Variants in GRIA1 observed in about 807,000 individuals in gnomAD.
GRIA1 encodes glutamate receptor 1.
A neutral mutation model predicts 99.2 loss-of-function variants in GRIA1; 31 were observed. That is an observed-to-expected ratio of 0.31 (90% CI 0.23 to 0.42). The LOEUF is 0.42. Among genes scored for constraint, GRIA1 ranks in the 10% least tolerant of loss-of-function variants. The pLI, the probability that GRIA1 is intolerant of heterozygous loss-of-function variation, is 1.00. For missense variants in GRIA1, 782 were observed against 1,157.5 expected, an observed-to-expected ratio of 0.68 and a Z score of 4.71; for synonymous variants, 438 against 432.4, an observed-to-expected ratio of 1.01 and a Z score of -0.16.
intron 2 of GRIA1, among the ~76,000 whole-genome samples, chr5:153,597,365 C>T (rs577966092): frequency 6.6e-6 from 1 of 152,224 alleles, no homozygotes; most frequent in African/African-American, 2.4e-5. Context: ...TGTTATTCTT[C>T]TTTCTAGGTT....
intron 2 of GRIA1, among the ~76,000 whole-genome samples, chr5:153,589,014 T>C (rs1010278558): frequency 6.6e-6 from 1 of 152,128 alleles, no homozygotes; most frequent in African/African-American, 2.4e-5. Context: ...AGAAAGTCAA[T>C]TTTTATATTA....
At chr5:153,744,042 C>A (rs1323595379) in intron 11 of GRIA1, among the ~76,000 whole-genome samples, 1 of 152,076 alleles carries the variant, frequency 6.6e-6, no homozygotes, top group Non-Finnish European at 1.5e-5. Context: ...TTCCCATTTC[C>A]TGAGGGTGAG....
chr5:153,673,698 A>G (rs960041800), intron 5 of GRIA1, among the ~76,000 whole-genome samples: 1 of 152,248 alleles, frequency 6.6e-6, no homozygotes, highest in Admixed American at 6.5e-5. Context: ...TACCTTAAAA[A>G]AGGATAAACT....
chr5:153,489,760 C>T, upstream of GRIA1: 1 of 456,416 alleles, frequency 2.2e-6, no homozygotes, highest in South Asian at 1.5e-5. Flanking sequence ...CAGACATGAC[C>T]AGCATCCAGA....
In GRIA1 at chr5:153,491,832, C is replaced by G. The variant is rs376616262; in HGVS notation, c.82+862C>G. ...ATGCTTTTTTTGTTCCCCATTTCCC[C>G]TTCTTAGTTGTTACACTTCTCAAAG... On this transcript the variant is annotated intron_variant, in intron 1 of 15. Transcript: ENST00000285900. Among the ~76,000 whole-genome samples the G allele has an allele frequency of 2.6e-5, 4 of 152,286 alleles. No individual in the cohort carries two copies. The East Asian group carries it at 5.8e-4, about 22-fold the overall frequency.
At chr5:153,508,634 G>C (rs1755765182) in intron 2 of GRIA1, among the ~76,000 whole-genome samples, 1 of 152,204 alleles carries the variant, frequency 6.6e-6, no homozygotes, top group Admixed American at 6.5e-5. Flanking sequence ...GCTTGGGAGT[G>C]TAGTGATCTG....
chr5:153,780,986 G>A (rs982012642), intron 13 of GRIA1, among the ~76,000 whole-genome samples: 2 of 152,110 alleles, frequency 1.3e-5, no homozygotes, highest in African/African-American at 2.4e-5. Context: ...GCCCAGTCTC[G>A]GAGGGCAGGC....
chr5:153,692,463 A>T (rs1039101937), intron 8 of GRIA1, among the ~76,000 whole-genome samples: 6 of 152,196 alleles, frequency 3.9e-5, no homozygotes, highest in Non-Finnish European at 7.3e-5. Context: ...TGTGAAAATT[A>T]TGAGAGATTA....
chr5:153,782,779 G>C (rs546218692), intron 13 of GRIA1, among the ~76,000 whole-genome samples: 2 of 152,138 alleles, frequency 1.3e-5, no homozygotes, highest in Admixed American at 6.5e-5. Flanking sequence ...GGCGGAAGAC[G>C]GGGAGGAAGG....
chr5:153,641,955 C>A (rs1294455908), intron 2 of GRIA1, among the ~76,000 whole-genome samples: 2 of 152,178 alleles, frequency 1.3e-5, no homozygotes, highest in East Asian at 3.8e-4. Flanking sequence ...CATTGCCTAA[C>A]ATAGTGTCTT....
At chr5:153,613,685 C>A in intron 2 of GRIA1, among the ~76,000 whole-genome samples, 1 of 151,042 alleles carries the variant, frequency 6.6e-6, no homozygotes, top group East Asian at 1.9e-4. Context: ...TTGCACCAAC[C>A]TAACACTTTT....
intron 13 of GRIA1, among the ~76,000 whole-genome samples, chr5:153,793,749 G>C (rs1765462074): frequency 2.0e-5 from 3 of 152,190 alleles, no homozygotes; most frequent in Non-Finnish European, 4.4e-5. Flanking sequence ...TGTTGTCATT[G>C]ATGTGGCCAG....
intron 2 of GRIA1, among the ~76,000 whole-genome samples, chr5:153,537,840 TTTTG>T (rs1758726962): frequency 6.6e-6 from 1 of 152,206 alleles, no homozygotes; most frequent in Non-Finnish European, 1.5e-5. Context: ...AGATGTGGTT[TTTTG>T]TTTGTTTTTA....
intron 5 of GRIA1, among the ~76,000 whole-genome samples, chr5:153,659,270 T>C (rs1449766005): frequency 1.3e-5 from 2 of 152,254 alleles, no homozygotes; most frequent in African/African-American, 2.4e-5. Context: ...TACATATGCA[T>C]ATATATGCTT....
At chr5:153,655,078 A>G (rs1164906131) in intron 4 of GRIA1, among the ~76,000 whole-genome samples, 3 of 152,222 alleles carry the variant, frequency 2.0e-5, no homozygotes, top group Admixed American at 6.6e-5. Flanking sequence ...CACAGGAGTC[A>G]GGTCCCTGTC....
intron 11 of GRIA1, among the ~76,000 whole-genome samples, chr5:153,718,997 G>T (rs1194432401): frequency 6.6e-6 from 1 of 152,156 alleles, no homozygotes; most frequent in Non-Finnish European, 1.5e-5. Context: ...CATTTCTCTG[G>T]CAGTGACCCT....
intron 2 of GRIA1, among the ~76,000 whole-genome samples, chr5:153,641,938 G>T (rs1298117809): frequency 6.6e-6 from 1 of 152,164 alleles, no homozygotes. Context: ...GTTTACCACT[G>T]TATCTCCATT....
chr5:153,719,547 C>T (rs1329507414), intron 11 of GRIA1, among the ~76,000 whole-genome samples: 1 of 152,152 alleles, frequency 6.6e-6, no homozygotes, highest in Non-Finnish European at 1.5e-5. Context: ...CTCCTGGCTC[C>T]TCTGTGGGCT....
intron 13 of GRIA1, among the ~76,000 whole-genome samples, chr5:153,782,988 G>A (rs146305753): frequency 1.3e-5 from 2 of 152,322 alleles, no homozygotes; most frequent in African/African-American, 2.4e-5. Context: ...TAGTGGAAAG[G>A]GAGAGGAAGA....
Sources: gnomAD v4.1 joint callset for allele counts (sites outside exome capture counted in the v4.1 genomes callset) on GRCh38, gnomAD v4.1.1 for gene constraint, MANE v1.5 for transcripts, NCBI Gene and HGNC (gene_info 2026-07-23, HGNC 2026-07-21) for gene names.